IGFBP7: variants seen among roughly 807,000 people sequenced by gnomAD.
The protein encoded by IGFBP7 is insulin like growth factor binding protein 7.
Under a neutral mutation model 29.4 loss-of-function variants are expected in IGFBP7, and 31 were observed. The observed-to-expected ratio is 1.05, with a 90% CI of 0.79 to 1.42. The LOEUF (loss-of-function observed/expected upper bound fraction) is 1.42. Ranked by LOEUF, IGFBP7 falls within the 40% of genes most tolerant of loss-of-function variation. IGFBP7 has a pLI of 0.00. For synonymous variants in IGFBP7, 172 were observed against 174.9 expected (o/e 0.98, Z 0.13); for missense variants, 393 against 395.5 (o/e 0.99, Z 0.05).
chr4:57,037,301 G>T (rs1013419310), intron 2 of IGFBP7, among the ~76,000 whole-genome samples: 3 of 151,964 alleles, frequency 2.0e-5, no homozygotes, highest in Admixed American at 2.0e-4. Context: ...AAAGTCTGCA[G>T]AAAAAATTGT....
chr4:57,080,398 A>C (rs1341968632), intron 1 of IGFBP7, among the ~76,000 whole-genome samples: 1 of 152,208 alleles, frequency 6.6e-6, no homozygotes, highest in Non-Finnish European at 1.5e-5. Flanking sequence ...GTTATAGCTG[A>C]AACAACGGAA....
chr4:57,080,578 A>G (rs764343579), intron 1 of IGFBP7, among the ~76,000 whole-genome samples: 14 of 152,166 alleles, frequency 9.2e-5, no homozygotes, highest in Non-Finnish European at 7.3e-5. Flanking sequence ...CCCAGGGTGG[A>G]GTGCAGTAGC....
intron 1 of IGFBP7, among the ~76,000 whole-genome samples, chr4:57,083,334 A>T (rs1329367769): frequency 6.6e-6 from 1 of 152,192 alleles, no homozygotes; most frequent in African/African-American, 2.4e-5. Flanking sequence ...TTTTCAAAAA[A>T]TTTGGCTAAG....
rs867707461 is a variant in IGFBP7 at position 57,110,067 on chromosome 4, C to T, written c.285G>A (p.Lys95=). Residue 95 remains lysine, a synonymous_variant, in exon 1 of 5, where the codon AAG becomes AAA. Transcript: ENST00000295666. The part of the protein sequence containing the change: ...MECVKSRKRR[K]GKAGAAAGGP... Reference sequence around the variant, plus strand: ...CGCCGGCTGCTGCCCCGGCTTTACCCTTCCGCCTCTTGCGGCTCTTCACGC... The same window carrying T: ...CGCCGGCTGCTGCCCCGGCTTTACCTTTCCGCCTCTTGCGGCTCTTCACGC... 1.3e-6 allele frequency: 2 copies of T among 1,560,190 alleles called. No individual in the cohort carries two copies. The highest frequency in any genetic ancestry group is 1.4e-5 in the African/African-American group (1 of 73,648).
intron 1 of IGFBP7, 157 bp downstream of exon 1, chr4:57,109,720 G>T: frequency 2.2e-6 from 2 of 889,478 alleles, no homozygotes; most frequent in East Asian, 3.2e-5. Flanking sequence ...CTGGCATTCC[G>T]CGGCTGCCAA....
At chr4:57,089,471 G>C (rs1408267409) in intron 1 of IGFBP7, among the ~76,000 whole-genome samples, 1 of 152,146 alleles carries the variant, frequency 6.6e-6, no homozygotes, top group Non-Finnish European at 1.5e-5. Flanking sequence ...TCTTTCCACT[G>C]AACTTTGGGA....
At chr4:57,078,343 G>A (rs2109783688) in intron 1 of IGFBP7, among the ~76,000 whole-genome samples, 1 of 152,230 alleles carries the variant, frequency 6.6e-6, no homozygotes, top group South Asian at 2.1e-4. Flanking sequence ...GGATTAAAAA[G>A]CTAGACACCT....
At chr4:57,077,132 A>AC (rs1725246964) in intron 1 of IGFBP7, among the ~76,000 whole-genome samples, 1 of 151,678 alleles carries the variant, frequency 6.6e-6, no homozygotes, top group African/African-American at 2.4e-5. Context: ...GAAAAACAAA[A>AC]AACAAAATAT....
intron 1 of IGFBP7, among the ~76,000 whole-genome samples, chr4:57,064,398 G>A (rs1340625692): frequency 6.6e-6 from 1 of 152,144 alleles, no homozygotes; most frequent in Non-Finnish European, 1.5e-5. Context: ...GTGTTGACAA[G>A]CAATATTTTT....
chr4:57,046,732 C>T (rs1724369871), intron 1 of IGFBP7, among the ~76,000 whole-genome samples: 1 of 151,506 alleles, frequency 6.6e-6, no homozygotes, highest in African/African-American at 2.4e-5. Flanking sequence ...TGACTGTGCG[C>T]TGCCTCCCTC....
intron 1 of IGFBP7, among the ~76,000 whole-genome samples, chr4:57,108,915 C>T (rs1012322619): frequency 6.6e-6 from 1 of 152,094 alleles, no homozygotes; most frequent in African/African-American, 2.4e-5. Flanking sequence ...AACATAATCT[C>T]AAAGACATTT....
intron 1 of IGFBP7, among the ~76,000 whole-genome samples, chr4:57,041,643 C>T (rs1216452515): frequency 2.6e-5 from 4 of 152,098 alleles, no homozygotes; most frequent in African/African-American, 9.7e-5. Flanking sequence ...TCCAGCGATC[C>T]TCCCACCCCA....
At chr4:57,034,570 TATATA>T (rs1163260935) in intron 2 of IGFBP7, among the ~76,000 whole-genome samples, 1 of 151,750 alleles carries the variant, frequency 6.6e-6, no homozygotes, top group African/African-American at 2.4e-5. Context: ...ATATAATAAA[TATATA>T]AATAAATATA....
chr4:57,079,957 G>A (rs968120742), intron 1 of IGFBP7, among the ~76,000 whole-genome samples: 1 of 152,154 alleles, frequency 6.6e-6, no homozygotes, highest in Admixed American at 6.6e-5. Context: ...ATGAGGAATT[G>A]GAGGCTTTGA....
intron 1 of IGFBP7, among the ~76,000 whole-genome samples, chr4:57,077,523 C>A (rs1713980): frequency 0.63 from 95,914 of 152,010 alleles, 30,717 homozygotes; most frequent in East Asian, 0.89. Flanking sequence ...AGTGATCTGC[C>A]TGCCTCAGCA....
At chr4:57,084,319 C>A (rs1209941232) in intron 1 of IGFBP7, among the ~76,000 whole-genome samples, 1 of 152,032 alleles carries the variant, frequency 6.6e-6, no homozygotes, top group Non-Finnish European at 1.5e-5. Flanking sequence ...TTAACAGAAT[C>A]AATTACTCAA....
intron 1 of IGFBP7, among the ~76,000 whole-genome samples, chr4:57,104,653 GA>G (rs1298265165): frequency 6.6e-6 from 1 of 152,180 alleles, no homozygotes; most frequent in African/African-American, 2.4e-5. Context: ...ATGAGTACCT[GA>G]AAATCAAAAT....
In IGFBP7 at chr4:57,032,542, A is replaced by G. The variant is rs1281463157; in HGVS notation, c.713T>C (p.Leu238Pro). 3 of 1,613,016 alleles carry G rather than the reference A, an allele frequency of 1.9e-6. No homozygotes were observed. The highest frequency in any genetic ancestry group is 2.7e-5 in the African/African-American group (2 of 74,896). ...ATATTCTCCAGCATCTTCCTTACTT[A>G]GAGGAGATACCTGTGAAAGAAAAAA... is the stretch of plus-strand genomic sequence containing the variant. ...EVTGWVLVSP[L>P]SKEDAGEYEC... Residue 238 changes from leucine to proline, a missense_variant, in exon 4 of 5, where the codon CTA (leucine) becomes CCA (proline). Transcript: ENST00000295666.
intron 1 of IGFBP7, among the ~76,000 whole-genome samples, chr4:57,068,375 C>G (rs1724970193): frequency 6.6e-6 from 1 of 151,810 alleles, no homozygotes; most frequent in Non-Finnish European, 1.5e-5. Flanking sequence ...CATCAGTTTA[C>G]TATCTAATTT....
Sources: gnomAD v4.1 joint callset for allele counts (sites outside exome capture counted in the v4.1 genomes callset) on GRCh38, gnomAD v4.1.1 for gene constraint, MANE v1.5 for transcripts, NCBI Gene and HGNC (gene_info 2026-07-23, HGNC 2026-07-21) for gene names.